Variants in TMEM132C observed in about 807,000 individuals in gnomAD.
TMEM132C encodes the protein transmembrane protein 132C.
TMEM132C carries 29 observed loss-of-function variants against 61.4 expected under a neutral mutation model. That is an observed-to-expected ratio of 0.47 (90% CI 0.35 to 0.64). The LOEUF is 0.64. Ranked by LOEUF, TMEM132C falls within the 30% of genes least tolerant of loss-of-function variation. The probability of loss-of-function intolerance (pLI) is 0.00; values close to 1 mark genes in which losing one functional copy is unlikely to be tolerated. For synonymous variants in TMEM132C, 656 were observed against 633.1 expected (o/e 1.04, Z -0.54); for missense variants, 1,408 against 1,476.9 (o/e 0.95, Z 0.76).
At chr12:128,355,090 C>T (rs2135966054) in intron 1 of TMEM132C, among the ~76,000 whole-genome samples, 1 of 152,296 alleles carries the variant, frequency 6.6e-6, no homozygotes, top group Non-Finnish European at 1.5e-5. Flanking sequence ...AGTTCAAAGA[C>T]ATGAACTTTA....
At chr12:128,363,991 C>T (rs1236366457) in intron 1 of TMEM132C, among the ~76,000 whole-genome samples, 2 of 152,070 alleles carry the variant, frequency 1.3e-5, no homozygotes, top group Non-Finnish European at 2.9e-5. Flanking sequence ...TCCTGGAAGG[C>T]TCTGGTGGTG....
chr12:128,458,276 AATATTTAGTATTGTAATTATATAATT>A (rs148723129), intron 2 of TMEM132C, among the ~76,000 whole-genome samples: 3 of 111,234 alleles, frequency 2.7e-5, no homozygotes, highest in South Asian at 3.4e-4. Context: ...ATATAATTAT[AATATTTAGTATTGTAATTATATAATT>A]ATACTAAAAT....
chr12:128,648,074 G>A (rs1373768681), intron 4 of TMEM132C, among the ~76,000 whole-genome samples: 3 of 151,818 alleles, frequency 2.0e-5, no homozygotes, highest in African/African-American at 7.3e-5. Context: ...TTTGATGTGA[G>A]TGTGTTTACT....
rs79236190 is a variant in TMEM132C, at chr12:128,616,344, T to C, written c.1305+9T>C. 2.5e-4 allele frequency: 381 copies of C among 1,547,506 alleles called. 1 individual carries two copies. The African/African-American group carries it at 4.7e-3, about 19-fold the overall frequency. On this transcript the variant is annotated intron_variant, in intron 4 of 8. Transcript: ENST00000435159. ...TCGTTCCCTTGGCTATGGTGAGTCC[T>C]GAGTTACCTTGGATGCTCCTGCATT... is the stretch of plus-strand genomic sequence containing the variant.
In TMEM132C at chr12:128,706,153, TC is replaced by T. The variant is rs755317217; in HGVS notation, c.3191del (p.Pro1064ArgfsTer8). ...GTGAAATTTACCACCTTTACCACCA[TC>T]CCCCCGGACGACAGCTGCCCCACGG... is the stretch of plus-strand genomic sequence containing the variant. The part of the protein sequence containing the change: ...KKVKFTTFTT[I>X]PPDDSCPTVN... On this transcript the variant is annotated frameshift_variant, in exon 9 of 9. Coordinates refer to ENST00000435159, the MANE Select transcript of TMEM132C (RefSeq NM_001136103.3). LOFTEE classifies it low-confidence loss of function (END_TRUNC). 6.5e-7 allele frequency: 1 copy of T among 1,549,422 alleles called. No individual in the cohort carries two copies. The highest frequency in any genetic ancestry group is 1.2e-5 in the South Asian group (1 of 83,722).
intron 2 of TMEM132C, among the ~76,000 whole-genome samples, chr12:128,496,142 AGAATGTT>A (rs1871948481): frequency 6.6e-6 from 1 of 152,122 alleles, no homozygotes; most frequent in Non-Finnish European, 1.5e-5. Flanking sequence ...CTTTTCTTTA[AGAATGTT>A]GAATATTGGC....
chr12:128,405,675 A>C (rs927489981), intron 1 of TMEM132C, among the ~76,000 whole-genome samples: 1 of 152,242 alleles, frequency 6.6e-6, no homozygotes, highest in Non-Finnish European at 1.5e-5. Context: ...TTATTTAAAC[A>C]GAACTATTCA....
At chr12:128,340,829 TTCTC>T (rs1406371958) in intron 1 of TMEM132C, among the ~76,000 whole-genome samples, 3 of 134,354 alleles carry the variant, frequency 2.2e-5, no homozygotes, top group Non-Finnish European at 3.1e-5. Context: ...CTTTCTGTCT[TTCTC>T]TCTCTCTCTT....
intron 1 of TMEM132C, among the ~76,000 whole-genome samples, chr12:128,340,813 CTCTT>C (rs564537779): frequency 1.7e-4 from 22 of 131,824 alleles, no homozygotes; most frequent in East Asian, 4.4e-4. Flanking sequence ...CTTTCTTTCT[CTCTT>C]TCTTTCTGTC....
chr12:128,457,420 C>G (rs1459925800), intron 2 of TMEM132C, among the ~76,000 whole-genome samples: 1 of 150,812 alleles, frequency 6.6e-6, no homozygotes, highest in Non-Finnish European at 1.5e-5. Flanking sequence ...AAAAAAAATA[C>G]AAAAAATTAG....
chr12:128,273,625 C>T (rs533842703), intron 1 of TMEM132C, among the ~76,000 whole-genome samples: 3 of 152,008 alleles, frequency 2.0e-5, no homozygotes, highest in Non-Finnish European at 4.4e-5. Flanking sequence ...TCTTCTTTCC[C>T]TACCAGCTTT....
At chr12:128,521,594 G>A (rs1351180397) in intron 2 of TMEM132C, among the ~76,000 whole-genome samples, 2 of 151,890 alleles carry the variant, frequency 1.3e-5, no homozygotes, top group Admixed American at 1.3e-4. Flanking sequence ...GATTATACAG[G>A]ACTAACTAGA....
chr12:128,528,872 C>G (rs1873184562), intron 2 of TMEM132C, among the ~76,000 whole-genome samples: 1 of 152,134 alleles, frequency 6.6e-6, no homozygotes, highest in African/African-American at 2.4e-5. Flanking sequence ...CCCTGAAGAG[C>G]TGTGTATTCA....
intron 1 of TMEM132C, among the ~76,000 whole-genome samples, chr12:128,301,526 T>C (rs1871594818): frequency 6.6e-6 from 1 of 152,246 alleles, no homozygotes; most frequent in African/African-American, 2.4e-5. Context: ...ACTGCCATGC[T>C]TCTGCCCTGG....
intron 2 of TMEM132C, among the ~76,000 whole-genome samples, chr12:128,421,318 C>T (rs1445816037): frequency 2.0e-5 from 3 of 152,210 alleles, no homozygotes. Flanking sequence ...GCTGCCTCCA[C>T]CTATGGCTGC....
intron 1 of TMEM132C, among the ~76,000 whole-genome samples, chr12:128,335,002 GGAGATTTCCATGTT>G (rs1872758899): frequency 6.6e-6 from 1 of 152,104 alleles, no homozygotes; most frequent in Non-Finnish European, 1.5e-5. Context: ...CTAAATAGTT[GGAGATTTCCATGTT>G]GATTTTTTTT....
chr12:128,440,859 G>T (rs1054390332), intron 2 of TMEM132C, among the ~76,000 whole-genome samples: 4 of 152,074 alleles, frequency 2.6e-5, no homozygotes, highest in Non-Finnish European at 5.9e-5. Context: ...GACCAGCCTG[G>T]CCAACATGGT....
intron 1 of TMEM132C, among the ~76,000 whole-genome samples, chr12:128,335,738 T>C (rs1749075981): frequency 6.6e-6 from 1 of 152,210 alleles, no homozygotes. Flanking sequence ...ATGGGGTAGA[T>C]ACCTGCATTA....
intron 1 of TMEM132C, among the ~76,000 whole-genome samples, chr12:128,302,145 G>A (rs956853358): frequency 7.9e-5 from 12 of 152,204 alleles, no homozygotes; most frequent in Non-Finnish European, 1.2e-4. Flanking sequence ...TCTGTCGAGT[G>A]TGTCAGATGG....
Sources: allele counts gnomAD v4.1 joint callset (sites outside exome capture counted in the v4.1 genomes callset), GRCh38; gene constraint gnomAD v4.1.1; transcripts MANE v1.5; gene names NCBI Gene and HGNC (gene_info 2026-07-23, HGNC 2026-07-21).